ANK1: variants seen among roughly 807,000 people sequenced by gnomAD.
ANK1 encodes the protein ankyrin 1, also known as ankyrin-1.
Under a neutral mutation model 210.4 loss-of-function variants are expected in ANK1, and 51 were observed. The ratio of observed to expected loss-of-function variants is 0.24; its 90% CI spans 0.19 to 0.31. The LOEUF is 0.31. ANK1 is among the 10% of genes least tolerant of loss of function. ANK1 has a pLI of 1.00. For missense variants in ANK1, 2,051 were observed against 2,504.4 expected, an observed-to-expected ratio of 0.82 and a Z score of 3.86; for synonymous variants, 967 against 1,025.9, an observed-to-expected ratio of 0.94 and a Z score of 1.10.
At chr8:41,673,004 A>G in intron 37 of ANK1, 92 bp from the exon 38 acceptor site, 1 of 1,318,154 alleles carries the variant, frequency 7.6e-7, no homozygotes, top group Non-Finnish European at 1.1e-6. Context: ...GAACACACAC[A>G]TGCGGGTGCG....
chr8:41,748,773 C>T (rs1385861273), intron 2 of ANK1, among the ~76,000 whole-genome samples: 13 of 152,202 alleles, frequency 8.5e-5, no homozygotes, highest in Admixed American at 7.9e-4. Context: ...CGGTGGCTTA[C>T]GCCTGTAATC....
intron 1 of ANK1, among the ~76,000 whole-genome samples, chr8:41,779,013 A>T (rs1302413928): frequency 6.6e-6 from 1 of 152,118 alleles, no homozygotes; most frequent in African/African-American, 2.4e-5. Context: ...GTGGGGATGG[A>T]GAGGGCTGTG....
intron 1 of ANK1, among the ~76,000 whole-genome samples, chr8:41,814,278 T>A (rs773739247): frequency 6.6e-6 from 1 of 150,748 alleles, no homozygotes; most frequent in Non-Finnish European, 1.5e-5. Flanking sequence ...GAGAATGGCG[T>A]GAACCCAGGA....
chr8:41,700,311 CAGCTTATT>C, intron 22 of ANK1: 1 of 1,163,568 alleles, frequency 8.6e-7, no homozygotes, highest in South Asian at 1.4e-5. Context: ...CTCCTGGCTC[CAGCTTATT>C]AGCTGTCAGA....
intron 1 of ANK1, among the ~76,000 whole-genome samples, chr8:41,831,541 G>C (rs994555342): frequency 9.9e-5 from 15 of 151,586 alleles, no homozygotes; most frequent in African/African-American, 3.6e-4. Flanking sequence ...CCAGCTACTC[G>C]GGAAACTGAG....
chr8:41,874,388 A>G (rs1587555774), intron 1 of ANK1, among the ~76,000 whole-genome samples: 1 of 152,364 alleles, frequency 6.6e-6, no homozygotes, highest in South Asian at 2.1e-4. Context: ...GGGCCCAGGA[A>G]AAAGGCAGTG....
chr8:41,744,661 C>T lies in ANK1; in HGVS notation c.130-10592G>A, dbSNP rs530771386. The stretch of plus-strand genomic sequence containing the variant: ...ACACCATTCTCCTGCCTCAGCCTCC[C>T]AAGTAGCTGGGACTACAGGCCCGCC... On this transcript the variant is annotated intron_variant, in intron 2 of 42. Coordinates refer to ENST00000289734, the MANE Select transcript of ANK1 (RefSeq NM_000037.4). 7.9e-5 allele frequency among the ~76,000 whole-genome samples: 12 copies of T among 152,034 alleles called. No homozygotes were observed. In the East Asian group the frequency reaches 1.5e-3, roughly 20 times the overall value.
chr8:41,684,610 G>A lies in ANK1; in HGVS notation c.4471C>T (p.Arg1491Cys), dbSNP rs756051921. 1.1e-5 allele frequency: 18 copies of A among 1,613,844 alleles called. No homozygotes were observed. The highest frequency in any genetic ancestry group is 1.3e-5 in the African/African-American group (1 of 75,032). The change falls in exon 37 of 43, where the codon CGC (arginine) becomes TGC (cysteine). Residue 1491 changes from arginine to cysteine, a missense_variant. Arg to Cys is a radical substitution (Grantham distance 180). Around this residue, in one of 6 missense-constraint regions of ANK1, gnomAD observed 496 missense variants for 533.4 expected, o/e 0.93. Coordinates refer to ENST00000289734, the MANE Select transcript of ANK1 (RefSeq NM_000037.4). ...TGCCGCCTGTCTGGCTTCAAGTTGC[G>A]GCTCTGTCGGCCGGAACCCTCCAGC... ...NMLEGSGRQS[R>C]NLKPDRRHTD...
chr8:41,843,352 A>G (rs1406657390), intron 1 of ANK1, among the ~76,000 whole-genome samples: 1 of 152,142 alleles, frequency 6.6e-6, no homozygotes, highest in Non-Finnish European at 1.5e-5. Context: ...AATCTGCTCC[A>G]TCTTACTGTG....
Position 41,758,102 on chromosome 8 carries a change from T to A in ANK1, c.63A>T (p.Arg21Ser), listed in dbSNP as rs1839596008. 1 of 1,613,964 alleles carries A rather than the reference T, an allele frequency of 6.2e-7. No homozygotes were observed. Among genetic ancestry groups the A allele is most frequent in the Admixed American group, 1.7e-5 (1 of 60,014 alleles). The change falls in exon 2 of 43, where the codon AGA becomes AGT. Residue 21 changes from arginine (R) to serine (S), a missense_variant. This residue lies in a region of ANK1 where 72 missense variants were observed against 133.5 expected (regional missense o/e 0.54). Coordinates refer to ENST00000289734, the MANE Select transcript of ANK1 (RefSeq NM_000037.4). ...DAATSFLRAA[R>S]SGNLDKALDH... is the part of the protein sequence containing the mutation. ...CCAAAGCTTTGTCCAAGTTACCTGA[T>A]CTTGCTGCTCTCAGAAAGCTGGTAG...
chr8:41,709,127 A>AACAC, intron 16 of ANK1, 152 bp from the exon 17 acceptor site: 1 of 782,512 alleles, frequency 1.3e-6, no homozygotes, highest in Non-Finnish European at 2.1e-6. Context: ...TAAACAAACA[A>AACAC]ACAAACAAAA....
chr8:41,694,955 A>C lies in ANK1; in HGVS notation c.3116-152T>G. ...AGTGGCCAGAAGAAGTGGCCAGAAG[A>C]AGTGCCCAGGCCCAGAGGCCCAGCA... On this transcript the variant is annotated intron_variant, in intron 27 of 42. Transcript: ENST00000289734. This position sits in a 1 kb window ranked among gnomAD's most constrained non-coding sequence, Gnocchi z 5.7. The C allele has an allele frequency of 3.8e-6, 4 of 1,062,562 alleles. No homozygotes were observed. The highest frequency in any genetic ancestry group is 5.7e-6 in the Non-Finnish European group (4 of 703,506). The allele number at this position is 1,062,562 out of a possible 1,614,324, so 65.8% of individuals were successfully genotyped here.
chr8:41,692,608 C>A (rs755469211), intron 31 of ANK1, 40 bp downstream of exon 31: 5 of 1,580,180 alleles, frequency 3.2e-6, no homozygotes, highest in Non-Finnish European at 3.5e-6. Context: ...AACGGCAGGA[C>A]GGTTTGTCCC....
intron 1 of ANK1, among the ~76,000 whole-genome samples, chr8:41,769,983 T>TTG (rs1842695708): frequency 7.0e-6 from 1 of 142,218 alleles, no homozygotes; most frequent in Non-Finnish European, 1.5e-5. Flanking sequence ...TTTTCTTTTT[T>TTG]TTTTTTTTTT....
At chr8:41,838,520 C>A (rs1808216800) in intron 1 of ANK1, among the ~76,000 whole-genome samples, 1 of 152,206 alleles carries the variant, frequency 6.6e-6, no homozygotes, top group African/African-American at 2.4e-5. Context: ...AATTGCAGCA[C>A]TTTGGGAGGC....
At chr8:41,692,544 T>A in intron 31 of ANK1, 104 bp downstream of exon 31, 3 of 1,166,044 alleles carry the variant, frequency 2.6e-6, no homozygotes, top group Non-Finnish European at 3.8e-6. Flanking sequence ...GTGGAGCCCC[T>A]CGTCTACAGA....
intron 1 of ANK1, among the ~76,000 whole-genome samples, chr8:41,804,253 C>G (rs1482560875): frequency 2.0e-5 from 3 of 152,252 alleles, no homozygotes; most frequent in Admixed American, 2.0e-4. Flanking sequence ...ATAGGGCTGC[C>G]AACCATCCTC....
chr8:41,768,269 G>A lies in ANK1; in HGVS notation c.28-10132C>T, dbSNP rs150373657. ...AGCAGTGTCAGGTAACTGGGCCCCT[G>A]GCAATATGGCTTGTTCAGATCATAG... On this transcript the variant is annotated intron_variant, in intron 1 of 42. Transcript: ENST00000289734. Among the ~76,000 whole-genome samples the A allele has an allele frequency of 3.3e-4, 51 of 152,322 alleles. No individual in the cohort carries two copies. The East Asian group carries it at 9.5e-3, about 28-fold the overall frequency.
At chr8:41,833,592 A>G (rs1807076069) in intron 1 of ANK1, among the ~76,000 whole-genome samples, 1 of 152,190 alleles carries the variant, frequency 6.6e-6, no homozygotes, top group Non-Finnish European at 1.5e-5. Flanking sequence ...GAAGATGGGA[A>G]TGGTCACCGT....
Sources: allele counts gnomAD v4.1 joint callset (sites outside exome capture counted in the v4.1 genomes callset), GRCh38; gene constraint gnomAD v4.1.1; regional missense constraint gnomAD v4.1.1; non-coding constraint Gnocchi (gnomAD v3.1); transcripts MANE v1.5; gene names NCBI Gene and HGNC (gene_info 2026-07-23, HGNC 2026-07-21).